CD207: variants seen among roughly 807,000 people sequenced by gnomAD.
CD207 encodes the protein CD207 molecule.
Under a neutral mutation model 31.6 loss-of-function variants are expected in CD207, and 28 were observed. The observed-to-expected ratio is 0.89, with a 90% CI of 0.66 to 1.21. The LOEUF (loss-of-function observed/expected upper bound fraction) is 1.21. CD207 is among the 50% of genes most tolerant of loss of function. The pLI, the probability that CD207 is intolerant of heterozygous loss-of-function variation, is 0.00. For missense variants in CD207, 388 were observed against 397.8 expected (o/e 0.98, Z 0.21); for synonymous variants, 168 against 153.9 (o/e 1.09, Z -0.68).
chr2:70,829,425 G>A (rs1677416655), downstream of CD207, among the ~76,000 whole-genome samples: 3 of 152,378 alleles, frequency 2.0e-5, no homozygotes, highest in African/African-American at 7.2e-5. Flanking sequence ...GGCAGGCCTT[G>A]TAGTAATAAA....
At chr2:70,835,040 G>A (rs549965195) in intron 2 of CD207, among the ~76,000 whole-genome samples, 12 of 152,326 alleles carry the variant, frequency 7.9e-5, no homozygotes, top group East Asian at 5.8e-4. Context: ...CTGTTGGCTC[G>A]TTGGCCAGGC....
At chr2:70,826,526 C>T (rs1253600857), downstream of CD207, among the ~76,000 whole-genome samples, 2 of 152,166 alleles carry the variant, frequency 1.3e-5, no homozygotes, top group African/African-American at 4.8e-5. Context: ...CAAGTCCGCA[C>T]TACCACACCC....
In CD207 at chr2:70,831,096, G is replaced by C. The variant is rs141388306; in HGVS notation, c.941C>G (p.Thr314Arg). The change falls in exon 6 of 6, where the codon ACG (threonine) becomes AGG (arginine). Residue 314 changes from threonine (T) to arginine (R), a missense_variant. Thr to Arg is a moderately conservative substitution (Grantham distance 71). Transcript: ENST00000410009. ...QAWNDAPCDK[T>R]FLFICKRPYV... ...GGGTCGCTTACAAATGAAAAGAAACGTTTTGTCACATGGGGCATCATTCCA... is the reference window on the plus strand; with the variant it reads ...GGGTCGCTTACAAATGAAAAGAAACCTTTTGTCACATGGGGCATCATTCCA... The C allele has an allele frequency of 6.2e-7, 1 of 1,613,624 alleles. No homozygotes were observed. Among genetic ancestry groups the C allele is most frequent in the African/African-American group, 1.3e-5 (1 of 74,896 alleles).
chr2:70,824,632 A>AAAAAAAAAAC, the CD207 span, among the ~76,000 whole-genome samples: 2 of 149,384 alleles, frequency 1.3e-5, no homozygotes, highest in Non-Finnish European at 3.0e-5. Flanking sequence ...CAAAAAAAAA[A>AAAAAAAAAAC]AAAAAAAAAA....
At chr2:70,827,189 G>T (rs989373491), downstream of CD207, among the ~76,000 whole-genome samples, 3 of 152,184 alleles carry the variant, frequency 2.0e-5, no homozygotes, top group African/African-American at 7.2e-5. Context: ...CAGCTTATGT[G>T]CCTCTTCCTC....
chr2:70,834,069 G>T, intron 2 of CD207, 49 bp from the exon 3 acceptor site: 1 of 1,452,878 alleles, frequency 6.9e-7, no homozygotes, highest in South Asian at 1.7e-5. Context: ...CCCAGGGACA[G>T]GAGTGGGGGT....
At position 70,833,844 on chromosome 2, in the gene CD207, AC is replaced by A. The variant is rs782139973; in HGVS notation, c.366del (p.Gln122HisfsTer3). ...TCCACACTGGTTTTTAACTTCAGGA[AC>A]TGAGAACGCACATAACCCAGGCTCT... ...VNESLGYVRS[Q>X]FLKLKTSVEK... is the part of the protein sequence containing the mutation. On this transcript the variant is annotated frameshift_variant, in exon 3 of 6. Transcript: ENST00000410009. LOFTEE classifies it high-confidence loss of function. The A allele has an allele frequency of 1.2e-6, 2 of 1,614,018 alleles. No individual in the cohort carries two copies. Among genetic ancestry groups the A allele is most frequent in the East Asian group, 2.2e-5 (1 of 44,882 alleles).
chr2:70,825,008 CAAACACT>C, the CD207 span, among the ~76,000 whole-genome samples: 1 of 152,156 alleles, frequency 6.6e-6, no homozygotes, highest in East Asian at 1.9e-4. Context: ...ATAAACTTGG[CAAACACT>C]ACCCCAGCCT....
At position 70,835,634 on chromosome 2, in the gene CD207, T is replaced by C. The variant is rs115495142; in HGVS notation, c.74-27A>G. 21,008 of 1,611,400 alleles carry C rather than the reference T, an allele frequency of 0.013. 195 individuals carry two copies. Among genetic ancestry groups the C allele is most frequent in the South Asian group, 0.021 (1,927 of 90,964 alleles). On this transcript the variant is annotated intron_variant, in intron 1 of 5. Coordinates refer to ENST00000410009, the MANE Select transcript of CD207 (RefSeq NM_015717.5). ...TGTTGGAAGAAGAAGAAAATGTGTG[T>C]TGAAGGAGCAGCAAAGGGCAGGTTT...
At position 70,831,064 on chromosome 2, in the gene CD207, G is replaced by C; in HGVS notation, c.973C>G (p.Pro325Ala). The change falls in exon 6 of 6, where the codon CCA (proline) becomes GCA (alanine). Residue 325 changes from proline to alanine, a missense_variant. Physicochemically the swap from Pro to Ala is conservative, Grantham distance 27. Transcript: ENST00000410009. ...FLFICKRPYV[P>A]SEP ...AGCCTGTCCTGTCACGGTTCTGATG[G>C]GACATAGGGTCGCTTACAAATGAAA... 1 of 1,613,714 alleles carries C rather than the reference G, an allele frequency of 6.2e-7. No homozygotes were observed. Among genetic ancestry groups the C allele is most frequent in the Non-Finnish European group, 8.5e-7 (1 of 1,179,784 alleles).
downstream of CD207, among the ~76,000 whole-genome samples, chr2:70,828,168 G>A (rs774457777): frequency 2.3e-4 from 35 of 152,308 alleles, no homozygotes; most frequent in South Asian, 1.0e-3. Flanking sequence ...AGCTGCCCAG[G>A]TATTGATAAC....
intron 2 of CD207, among the ~76,000 whole-genome samples, chr2:70,834,315 C>T (rs1229376285): frequency 1.3e-5 from 2 of 152,030 alleles, no homozygotes; most frequent in East Asian, 3.9e-4. Context: ...AGAAACCATT[C>T]CTGAATTTTC....
At chr2:70,829,592 G>C (rs1275035120), downstream of CD207, among the ~76,000 whole-genome samples, 1 of 152,314 alleles carries the variant, frequency 6.6e-6, no homozygotes, top group Middle Eastern at 3.4e-3. Flanking sequence ...CCGAGGGCAA[G>C]GATATATCTG....
downstream of CD207, among the ~76,000 whole-genome samples, chr2:70,828,625 T>C (rs959096325): frequency 9.9e-5 from 15 of 152,134 alleles, no homozygotes; most frequent in African/African-American, 3.6e-4. Context: ...TTGCGACTCC[T>C]CTGAGCCGTT....
At chr2:70,829,124 C>A (rs895023626), downstream of CD207, among the ~76,000 whole-genome samples, 2 of 152,210 alleles carry the variant, frequency 1.3e-5, no homozygotes, top group African/African-American at 2.4e-5. Context: ...GGTTCAAATT[C>A]TTTCCCAGAG....
At chr2:70,828,946 T>A (rs782177421), downstream of CD207, among the ~76,000 whole-genome samples, 18 of 152,204 alleles carry the variant, frequency 1.2e-4, no homozygotes, top group Non-Finnish European at 2.4e-4. Flanking sequence ...ATTATAGGCA[T>A]GAGCCACCAT....
Position 70,833,020 on chromosome 2 carries a change from C to T in CD207, c.597G>A (p.Trp199Ter), listed in dbSNP as rs1553400157. ...NDILQVVSQG[W>*]KYFKGNFYYF... ...AATAGAAGTTCCCCTTGAAGTACTT[C>T]CAGCCTTGAGAAACCACCTGTAGAA... The change falls in exon 4 of 6, where the codon TGG (tryptophan) becomes TGA (stop). Residue 199 changes from tryptophan to a stop codon, truncating the protein, a stop_gained. Transcript: ENST00000410009. LOFTEE classifies it high-confidence loss of function. 6.2e-7 allele frequency: 1 copy of T among 1,613,892 alleles called. No homozygotes were observed. The highest frequency in any genetic ancestry group is 1.1e-5 in the South Asian group (1 of 91,078).
At position 70,830,243 on chromosome 2, in the gene CD207, G is replaced by A. The variant is rs1420940860; in HGVS notation, c.*807C>T. ...CTTGACCCAGGCAGCATTTTATTCT[G>A]AGGAAGCTGGAAGGTGAATTCATGA... On this transcript the variant is annotated 3_prime_UTR_variant, in exon 6 of 6. Coordinates refer to ENST00000410009, the MANE Select transcript of CD207 (RefSeq NM_015717.5). The A allele has an allele frequency of 6.6e-6, 1 of 152,234 alleles. No homozygotes were observed. The highest frequency in any genetic ancestry group is 6.5e-5 in the Admixed American group (1 of 15,280). 9.4% of individuals were successfully genotyped at this position (152,234 alleles called of 1,614,324 possible). A position where few individuals can be genotyped will look rare whatever the true frequency, so the allele number is the denominator to read the frequency against.
rs141399804 is a variant in CD207, at chr2:70,833,690, AGT to A, written c.519_520del (p.Leu174ProfsTer16). 8.6e-4 allele frequency: 1,393 copies of A among 1,613,926 alleles called. 22 individuals carry two copies. In the East Asian group the frequency reaches 0.027, roughly 32 times the overall value. The stretch of plus-strand genomic sequence containing the variant: ...GCTCATATTCTCCAAGCTGCCCTGG[AGT>A]GCCCGGATCTTTGTATTTAAAGCAC... On this transcript the variant is annotated frameshift_variant, in exon 3 of 6. Transcript: ENST00000410009. LOFTEE classifies it high-confidence loss of function.
Sources: gnomAD v4.1 joint callset for allele counts (sites outside exome capture counted in the v4.1 genomes callset) on GRCh38, gnomAD v4.1.1 for gene constraint, MANE v1.5 for transcripts, NCBI Gene and HGNC (gene_info 2026-07-23, HGNC 2026-07-21) for gene names.